Variants in WASF2 observed in about 807,000 individuals in gnomAD.
WASF2 encodes the protein actin-binding protein WASF2.
WASF2 carries 14 observed loss-of-function variants against 45.0 expected under a neutral mutation model. The observed-to-expected ratio is 0.31, with a 90% CI of 0.21 to 0.49. The LOEUF (loss-of-function observed/expected upper bound fraction) is 0.49, where lower values mean the gene tolerates loss of function less well. Among genes scored for constraint, WASF2 ranks in the 20% least tolerant of loss-of-function variants. The pLI is 0.99. For synonymous variants in WASF2, 200 were observed against 236.3 expected, an observed-to-expected ratio of 0.85 and a Z score of 1.41; for missense variants, 439 against 636.1, an observed-to-expected ratio of 0.69 and a Z score of 3.33.
intron 2 of WASF2, among the ~76,000 whole-genome samples, chr1:27,420,198 T>C (rs2016886416): frequency 1.3e-5 from 2 of 152,132 alleles, no homozygotes; most frequent in South Asian, 4.1e-4. Flanking sequence ...CTAGCCACCA[T>C]GCCCGGCTTG....
At chr1:27,446,111 ATTACT>A (rs989471490) in intron 1 of WASF2, among the ~76,000 whole-genome samples, 1 of 152,154 alleles carries the variant, frequency 6.6e-6, no homozygotes, top group African/African-American at 2.4e-5. Flanking sequence ...ATATAATCCA[ATTACT>A]TTAATCGTAA....
intron 1 of WASF2, chr1:27,459,385 C>T (rs1267445097): frequency 6.6e-6 from 1 of 151,986 alleles, no homozygotes; most frequent in Non-Finnish European, 1.5e-5. Flanking sequence ...TGGTCTCCAA[C>T]TCCTGAGCTC....
At chr1:27,482,285 G>C (rs948586215) in intron 1 of WASF2, among the ~76,000 whole-genome samples, 3 of 152,162 alleles carry the variant, frequency 2.0e-5, no homozygotes, top group African/African-American at 7.2e-5. Context: ...GAGGAATTAA[G>C]GACCACTGCC....
At chr1:27,470,885 C>T (rs1383903465) in intron 1 of WASF2, among the ~76,000 whole-genome samples, 1 of 152,166 alleles carries the variant, frequency 6.6e-6, no homozygotes, top group Non-Finnish European at 1.5e-5. Context: ...GAGGAGACAA[C>T]CTGTACAATC....
chr1:27,453,653 G>C (rs182542937), intron 1 of WASF2, among the ~76,000 whole-genome samples: 88 of 149,404 alleles, frequency 5.9e-4, no homozygotes, highest in African/African-American at 2.1e-3. Context: ...AGCACTTTGG[G>C]AGGCCAAGGC....
intron 1 of WASF2, among the ~76,000 whole-genome samples, chr1:27,443,562 A>G (rs1252546455): frequency 2.7e-5 from 4 of 150,722 alleles, no homozygotes; most frequent in African/African-American, 9.7e-5. Context: ...GCAGTGAGCC[A>G]AGACTGCGCC....
chr1:27,462,813 G>C (rs920153457), intron 1 of WASF2, among the ~76,000 whole-genome samples: 1 of 152,226 alleles, frequency 6.6e-6, no homozygotes, highest in East Asian at 1.9e-4. Flanking sequence ...CAGTGCAGGT[G>C]TTAGCTGCTT....
chr1:27,448,216 C>T (rs190821265), intron 1 of WASF2, among the ~76,000 whole-genome samples: 1 of 152,214 alleles, frequency 6.6e-6, no homozygotes, highest in Non-Finnish European at 1.5e-5. Context: ...AGTTCCTTTC[C>T]TATTCTCCAT....
chr1:27,430,011 A>C (rs2017040115), intron 1 of WASF2, among the ~76,000 whole-genome samples: 1 of 152,200 alleles, frequency 6.6e-6, no homozygotes, highest in Non-Finnish European at 1.5e-5. Context: ...TAGAGACAGC[A>C]GGAAATGTCT....
chr1:27,464,582 C>T (rs1571156079), intron 1 of WASF2, among the ~76,000 whole-genome samples: 1 of 152,086 alleles, frequency 6.6e-6, no homozygotes, highest in African/African-American at 2.4e-5. Context: ...AGTCAATAGG[C>T]CACACAGTCA....
chr1:27,450,108 C>G (rs1044979330), intron 1 of WASF2, among the ~76,000 whole-genome samples: 2 of 151,816 alleles, frequency 1.3e-5, no homozygotes, highest in African/African-American at 4.8e-5. Context: ...CACGCCATTG[C>G]ACTCCAGCCC....
rs556671589 is a variant in WASF2 at position 27,477,632 on chromosome 1, G to C, written c.-44+12354C>G. On this transcript the variant is annotated intron_variant, in intron 1 of 8. Coordinates refer to ENST00000618852, the MANE Select transcript of WASF2 (RefSeq NM_006990.5). ...ATAAATAAATCGGCCGGGCGCGGTGGCTCACGCCTGTAATCCCAGCACTTT... is the reference window on the plus strand; with the variant it reads ...ATAAATAAATCGGCCGGGCGCGGTGCCTCACGCCTGTAATCCCAGCACTTT... Among the ~76,000 whole-genome samples the C allele has an allele frequency of 2.5e-4, 26 of 104,752 alleles. 1 individual carries two copies. The highest frequency in any genetic ancestry group is 1.0e-3 in the African/African-American group (19 of 18,300). 68.7% of individuals were successfully genotyped at this position (104,752 alleles called of 152,430 possible).
rs1221498872 is a variant in WASF2 at position 27,475,437 on chromosome 1, T to G, written c.-44+14549A>C. Among the ~76,000 whole-genome samples, 3 of 152,180 alleles carry G rather than the reference T, an allele frequency of 2.0e-5. No homozygotes were observed. In the East Asian group the frequency reaches 5.8e-4, roughly 29 times the overall value. ...AGGGCTTCTGCCATCAACAGTTCCTTCTCCCTGGAACTCTCTTCCCTCGTT... is the reference window on the plus strand; with the variant it reads ...AGGGCTTCTGCCATCAACAGTTCCTGCTCCCTGGAACTCTCTTCCCTCGTT... On this transcript the variant is annotated intron_variant, in intron 1 of 8. Transcript: ENST00000618852.
chr1:27,468,599 CCATTG>C (rs1183411630), intron 1 of WASF2, among the ~76,000 whole-genome samples: 1 of 151,730 alleles, frequency 6.6e-6, no homozygotes, highest in Admixed American at 6.6e-5. Flanking sequence ...CGAGATTGCG[CCATTG>C]CACTCCAGCC....
chr1:27,444,260 T>G (rs1216881444), intron 1 of WASF2, among the ~76,000 whole-genome samples: 1 of 152,066 alleles, frequency 6.6e-6, no homozygotes, highest in Admixed American at 6.6e-5. Context: ...TTTCACTTTT[T>G]GTAGGAACAG....
rs761441379 is a variant in WASF2, at chr1:27,408,292, A to G, written c.1394T>C (p.Val465Ala). ...EQREQEKRDV[V>A]GNDVATILSR... ...CAAGATGGTGGCCACGTCATTGCCCACAACATCCCGCTTCTCTTGTTCCCG... is the reference window on the plus strand; with the variant it reads ...CAAGATGGTGGCCACGTCATTGCCCGCAACATCCCGCTTCTCTTGTTCCCG... Residue 465 changes from valine to alanine, a missense_variant, in exon 9 of 9, where the codon GTG (valine) becomes GCG (alanine). Coordinates refer to ENST00000618852, the MANE Select transcript of WASF2 (RefSeq NM_006990.5). The G allele has an allele frequency of 1.2e-6, 2 of 1,614,214 alleles. No homozygotes were observed. The highest frequency in any genetic ancestry group is 8.5e-7 in the Non-Finnish European group (1 of 1,180,050).
At position 27,410,002 on chromosome 1, in the gene WASF2, A is replaced by G; in HGVS notation, c.1029T>C (p.Ser343=). ...PPPPPPVGFG[S]PGTPPPPSPP... is the part of the protein sequence containing the mutation. ...GTGAGGGTGGTGGAGGCGTCCCTGGAGACCCAAATCCTACAGGCGGTGGTG... is the reference window on the plus strand; with the variant it reads ...GTGAGGGTGGTGGAGGCGTCCCTGGGGACCCAAATCCTACAGGCGGTGGTG... The change falls in exon 8 of 9, where the codon TCT becomes TCC. Residue 343 remains serine (S), a synonymous_variant. Transcript: ENST00000618852. This position sits in a 1 kb window ranked among gnomAD's most constrained non-coding sequence, Gnocchi z 4.2. 1 of 1,613,612 alleles carries G rather than the reference A, an allele frequency of 6.2e-7. No homozygotes were observed. The highest frequency in any genetic ancestry group is 8.5e-7 in the Non-Finnish European group (1 of 1,179,912).
intron 4 of WASF2, among the ~76,000 whole-genome samples, chr1:27,417,693 A>AG (rs1268190293): frequency 6.6e-6 from 1 of 152,226 alleles, no homozygotes; most frequent in African/African-American, 2.4e-5. Context: ...CAGGCACAGC[A>AG]GAGTAGGTCC....
At chr1:27,469,943 C>T (rs1396364679) in intron 1 of WASF2, among the ~76,000 whole-genome samples, 2 of 139,692 alleles carry the variant, frequency 1.4e-5, no homozygotes, top group Non-Finnish European at 3.1e-5. Flanking sequence ...GACTCTGTGT[C>T]AAAAAAAAAA....
Sources: allele counts gnomAD v4.1 joint callset (sites outside exome capture counted in the v4.1 genomes callset), GRCh38; gene constraint gnomAD v4.1.1; non-coding constraint Gnocchi (gnomAD v3.1); transcripts MANE v1.5; gene names NCBI Gene and HGNC (gene_info 2026-07-23, HGNC 2026-07-21).